The following SCHIP1 variants were observed in gnomAD, a reference collection of about 807,000 sequenced individuals.
SCHIP1 encodes schwannomin-interacting protein 1.
Under a neutral mutation model 29.7 loss-of-function variants are expected in SCHIP1, and 8 were observed. The observed-to-expected ratio is 0.27, with a 90% CI of 0.16 to 0.49. The LOEUF is 0.49. Ranked by LOEUF, SCHIP1 falls within the 20% of genes least tolerant of loss-of-function variation. SCHIP1 has a pLI of 0.99. For missense variants in SCHIP1, 193 were observed against 294.6 expected, an observed-to-expected ratio of 0.66 and a Z score of 2.52; for synonymous variants, 76 against 94.9, an observed-to-expected ratio of 0.80 and a Z score of 1.16.
chr3:159,742,393 G>C, the SCHIP1 span, among the ~76,000 whole-genome samples: 3 of 152,206 alleles, frequency 2.0e-5, no homozygotes, highest in African/African-American at 7.2e-5. Context: ...ATGAAGCAAG[G>C]AATAACAAAT....
At chr3:159,592,247 G>A in the SCHIP1 span, among the ~76,000 whole-genome samples, 1 of 152,098 alleles carries the variant, frequency 6.6e-6, no homozygotes, top group Non-Finnish European at 1.5e-5. Flanking sequence ...ATGAAAATCT[G>A]TAATCTCCAA....
chr3:159,762,333 G>T, the SCHIP1 span, among the ~76,000 whole-genome samples: 1 of 152,140 alleles, frequency 6.6e-6, no homozygotes, highest in South Asian at 2.1e-4. Flanking sequence ...TACCTTCCCT[G>T]GCTCAGGTCT....
chr3:159,472,656 C>T, the SCHIP1 span, among the ~76,000 whole-genome samples: 1 of 152,070 alleles, frequency 6.6e-6, no homozygotes, highest in Non-Finnish European at 1.5e-5. Flanking sequence ...TTTAGAGGCC[C>T]TCGGCGGAGG....
chr3:159,680,622 AAT>A, the SCHIP1 span, among the ~76,000 whole-genome samples: 123 of 88,444 alleles, frequency 1.4e-3, 1 homozygote, highest in African/African-American at 5.4e-3. Flanking sequence ...ATGTATATAT[AAT>A]ATATATTTTA....
chr3:159,284,630 A>G, the SCHIP1 span, among the ~76,000 whole-genome samples: 1 of 152,122 alleles, frequency 6.6e-6, no homozygotes. Flanking sequence ...CTGGGATTAC[A>G]GGTGTACGCC....
the SCHIP1 span, among the ~76,000 whole-genome samples, chr3:159,631,266 T>C: frequency 6.6e-6 from 1 of 152,136 alleles, no homozygotes; most frequent in Admixed American, 6.6e-5. Context: ...GTGACTACTG[T>C]GGAAAACAGT....
At chr3:159,784,177 G>A in the SCHIP1 span, among the ~76,000 whole-genome samples, 4 of 152,164 alleles carry the variant, frequency 2.6e-5, no homozygotes, top group African/African-American at 9.7e-5. Flanking sequence ...TCCACCTACC[G>A]CAATGAAAAG....
the SCHIP1 span, among the ~76,000 whole-genome samples, chr3:159,426,186 T>G: frequency 6.6e-6 from 1 of 151,734 alleles, no homozygotes; most frequent in Admixed American, 6.6e-5. Context: ...AAGAAATAAC[T>G]AAGATCAGAG....
chr3:159,395,898 C>G, the SCHIP1 span, among the ~76,000 whole-genome samples: 1 of 152,032 alleles, frequency 6.6e-6, no homozygotes, highest in Non-Finnish European at 1.5e-5. Context: ...TCTCATTGAT[C>G]TGTCTAATGT....
the SCHIP1 span, among the ~76,000 whole-genome samples, chr3:159,519,396 AAAG>A: frequency 2.0e-5 from 3 of 152,282 alleles, no homozygotes; most frequent in Admixed American, 6.5e-5. Context: ...GGATCTAGTG[AAAG>A]AAGAAAATAT....
At chr3:159,527,455 T>C in the SCHIP1 span, among the ~76,000 whole-genome samples, 1 of 152,184 alleles carries the variant, frequency 6.6e-6, no homozygotes, top group East Asian at 1.9e-4. Flanking sequence ...TGCGCCACGG[T>C]GACACTAAGA....
the SCHIP1 span, among the ~76,000 whole-genome samples, chr3:159,338,280 A>C: frequency 6.6e-6 from 1 of 152,314 alleles, no homozygotes; most frequent in East Asian, 1.9e-4. Flanking sequence ...GGGGACAAGG[A>C]AAGCTTCAGT....
the SCHIP1 span, among the ~76,000 whole-genome samples, chr3:159,717,260 A>G: frequency 6.6e-6 from 1 of 152,224 alleles, no homozygotes; most frequent in East Asian, 1.9e-4. Context: ...ATAGCACTAA[A>G]TGCCCACAAG....
chr3:159,623,163 T>C, the SCHIP1 span, among the ~76,000 whole-genome samples: 1 of 152,110 alleles, frequency 6.6e-6, no homozygotes, highest in Non-Finnish European at 1.5e-5. Flanking sequence ...CAAGTAGGCA[T>C]AAGTGTTTTA....
chr3:159,764,686 G>A, the SCHIP1 span: 3 of 1,583,022 alleles, frequency 1.9e-6, no homozygotes, highest in East Asian at 2.3e-5. The surrounding 1 kb of genome is among the most constrained non-coding windows in gnomAD (Gnocchi z 6.1). Context: ...GGAGGAGGAA[G>A]AGGAGGACGA....
the SCHIP1 span, among the ~76,000 whole-genome samples, chr3:159,822,012 G>A: frequency 4.6e-5 from 7 of 152,338 alleles, no homozygotes; most frequent in South Asian, 1.5e-3. Context: ...ATTTCATCAC[G>A]CTATTTAGAA....
At chr3:159,715,390 G>A in the SCHIP1 span, among the ~76,000 whole-genome samples, 7 of 152,212 alleles carry the variant, frequency 4.6e-5, no homozygotes, top group African/African-American at 9.6e-5. Context: ...AAAGCTGGAC[G>A]GAGAATGACT....
chr3:159,410,981 G>C, the SCHIP1 span, among the ~76,000 whole-genome samples: 1 of 152,068 alleles, frequency 6.6e-6, no homozygotes, highest in Non-Finnish European at 1.5e-5. Context: ...CAACAACATG[G>C]ATAGAACTAG....
chr3:159,533,261 A>G, the SCHIP1 span, among the ~76,000 whole-genome samples: 1 of 152,136 alleles, frequency 6.6e-6, no homozygotes, highest in Non-Finnish European at 1.5e-5. Context: ...GGGGAAGGGG[A>G]CAGGGCACAG....
Sources: allele counts gnomAD v4.1 joint callset (sites outside exome capture counted in the v4.1 genomes callset), GRCh38; gene constraint gnomAD v4.1.1; non-coding constraint Gnocchi (gnomAD v3.1); transcripts MANE v1.5; gene names NCBI Gene and HGNC (gene_info 2026-07-23, HGNC 2026-07-21).